The following ALCAM variants were observed in gnomAD, a reference collection of about 807,000 sequenced individuals.
The protein encoded by ALCAM is activated leukocyte cell adhesion molecule.
A neutral mutation model predicts 70.9 loss-of-function variants in ALCAM; 30 were observed. The observed-to-expected ratio is 0.42, with a 90% CI of 0.32 to 0.57. The LOEUF (loss-of-function observed/expected upper bound fraction) is 0.57, where lower values mean the gene tolerates loss of function less well. Among genes scored for constraint, ALCAM ranks in the 20% least tolerant of loss-of-function variants. The pLI is 0.11. For synonymous variants in ALCAM, 249 were observed against 242.5 expected (o/e 1.03, Z -0.25); for missense variants, 591 against 695.1 (o/e 0.85, Z 1.68).
At chr3:105,563,362 A>T (rs995190232) in intron 14 of ALCAM, among the ~76,000 whole-genome samples, 16 of 17,636 alleles carry the variant, frequency 9.1e-4, no homozygotes, top group Non-Finnish European at 2.7e-3. Flanking sequence ...GACCTCAAAT[A>T]ACTTTTTGCT....
rs1939854783 is a variant in ALCAM, at chr3:105,532,114, T to G, written c.459+48T>G. On this transcript the variant is annotated intron_variant, in intron 4 of 15. Coordinates refer to ENST00000306107, the MANE Select transcript of ALCAM (RefSeq NM_001627.4). ...ACCTTTATTTAGCCAGTGTTGTAAG[T>G]GCCTTCTTCTGACCTTACATTCCAA... 3 of 1,465,242 alleles carry G rather than the reference T, an allele frequency of 2.0e-6. No homozygotes were observed. In the South Asian group the frequency reaches 3.5e-5, roughly 17 times the overall value. The allele number at this position is 1,465,242 out of a possible 1,614,324, so 90.8% of individuals were successfully genotyped here.
Position 105,432,090 on chromosome 3 carries a change from C to G in ALCAM, c.73+64609C>G, listed in dbSNP as rs115948107. On this transcript the variant is annotated intron_variant, in intron 1 of 15. Coordinates refer to ENST00000306107, the MANE Select transcript of ALCAM (RefSeq NM_001627.4). ...TGACAGAATTAGACATATGAATACT[C>G]TATTCTTAGAGAATATTCAGTAAAG... 5.5e-3 allele frequency among the ~76,000 whole-genome samples: 836 copies of G among 152,198 alleles called. 7 individuals are homozygous for G. The highest frequency in any genetic ancestry group is 0.019 in the African/African-American group (805 of 41,546).
chr3:105,507,015 G>A (rs551522834), intron 1 of ALCAM, among the ~76,000 whole-genome samples: 20 of 152,284 alleles, frequency 1.3e-4, no homozygotes, highest in African/African-American at 4.8e-4. Context: ...CCCTATACCA[G>A]TGGAATTTAG....
intron 1 of ALCAM, among the ~76,000 whole-genome samples, chr3:105,436,812 C>T (rs1308684595): frequency 2.6e-5 from 4 of 152,106 alleles, no homozygotes; most frequent in Admixed American, 2.0e-4. Context: ...CTTTCCTGAA[C>T]TGCATAAACT....
chr3:105,456,941 A>T (rs1381558620), intron 1 of ALCAM, among the ~76,000 whole-genome samples: 2 of 152,206 alleles, frequency 1.3e-5, no homozygotes, highest in Non-Finnish European at 2.9e-5. Context: ...GTACGTTTTT[A>T]TGTAGCACAT....
chr3:105,453,392 G>C (rs572123817), intron 1 of ALCAM, among the ~76,000 whole-genome samples: 9 of 152,272 alleles, frequency 5.9e-5, no homozygotes, highest in Admixed American at 2.0e-4. Context: ...TAGATGTGTG[G>C]TGTTATTTCT....
At chr3:105,484,939 T>G (rs1256710765) in intron 1 of ALCAM, among the ~76,000 whole-genome samples, 2 of 152,096 alleles carry the variant, frequency 1.3e-5, no homozygotes, top group African/African-American at 4.8e-5. Flanking sequence ...TCTGGAAGAA[T>G]TCTTTTTTTT....
At chr3:105,388,859 A>G (rs1935723918) in intron 1 of ALCAM, among the ~76,000 whole-genome samples, 1 of 151,566 alleles carries the variant, frequency 6.6e-6, no homozygotes, top group Non-Finnish European at 1.5e-5. Context: ...TTTTACAATC[A>G]CGTTTTAGAT....
chr3:105,571,188 A>T (rs1463980440), intron 14 of ALCAM, among the ~76,000 whole-genome samples: 1 of 152,160 alleles, frequency 6.6e-6, no homozygotes, highest in Admixed American at 6.5e-5. Context: ...TCCCATCCCC[A>T]CAGTTTCTGT....
intron 1 of ALCAM, among the ~76,000 whole-genome samples, chr3:105,404,130 G>A (rs1936159072): frequency 6.6e-6 from 1 of 151,966 alleles, no homozygotes; most frequent in Non-Finnish European, 1.5e-5. Flanking sequence ...TGATCCTGAG[G>A]AAGAAGAGAA....
At chr3:105,441,224 T>G (rs1339252926) in intron 1 of ALCAM, among the ~76,000 whole-genome samples, 47 of 152,200 alleles carry the variant, frequency 3.1e-4, no homozygotes, top group Admixed American at 3.1e-3. Flanking sequence ...GGTTTACATT[T>G]TCTTTTTTTT....
At chr3:105,503,865 C>T (rs1172810931) in intron 1 of ALCAM, among the ~76,000 whole-genome samples, 1 of 152,092 alleles carries the variant, frequency 6.6e-6, no homozygotes, top group Non-Finnish European at 1.5e-5. Context: ...CTTCTTTCCA[C>T]TTGAAGAAAT....
At chr3:105,522,756 C>T (rs1301169335) in intron 2 of ALCAM, among the ~76,000 whole-genome samples, 1 of 152,220 alleles carries the variant, frequency 6.6e-6, no homozygotes, top group Non-Finnish European at 1.5e-5. Flanking sequence ...TAACCAAACT[C>T]AACCTCCATG....
intron 12 of ALCAM, among the ~76,000 whole-genome samples, chr3:105,550,494 G>A (rs901544420): frequency 1.3e-5 from 2 of 151,460 alleles, no homozygotes; most frequent in African/African-American, 4.8e-5. Context: ...GCCTTATCCT[G>A]TACAGGAATA....
chr3:105,368,965 G>A (rs985074017), intron 1 of ALCAM, among the ~76,000 whole-genome samples: 6 of 152,162 alleles, frequency 3.9e-5, no homozygotes, highest in African/African-American at 1.4e-4. Context: ...AACAACGCTG[G>A]GGAGGTAGGT....
At chr3:105,540,982 C>T (rs1156872460) in intron 7 of ALCAM, among the ~76,000 whole-genome samples, 1 of 151,990 alleles carries the variant, frequency 6.6e-6, no homozygotes, top group African/African-American at 2.4e-5. Flanking sequence ...TAGGTTTCTG[C>T]TTTGGCTATC....
chr3:105,459,459 A>G (rs1353021073), intron 1 of ALCAM, among the ~76,000 whole-genome samples: 2 of 151,890 alleles, frequency 1.3e-5, no homozygotes, highest in African/African-American at 4.8e-5. Flanking sequence ...CAAATAGTAC[A>G]TGTTCAGTTA....
At chr3:105,486,536 A>G (rs144938545) in intron 1 of ALCAM, among the ~76,000 whole-genome samples, 1 of 152,164 alleles carries the variant, frequency 6.6e-6, no homozygotes. Context: ...TACAGTCCAT[A>G]TTAGAAGGAA....
chr3:105,375,578 G>A (rs1317141600), intron 1 of ALCAM, among the ~76,000 whole-genome samples: 1 of 152,112 alleles, frequency 6.6e-6, no homozygotes, highest in Non-Finnish European at 1.5e-5. Flanking sequence ...AAACTAAATT[G>A]ACCTCAGATG....
Sources: gnomAD v4.1 joint callset for allele counts (sites outside exome capture counted in the v4.1 genomes callset) on GRCh38, gnomAD v4.1.1 for gene constraint, MANE v1.5 for transcripts, NCBI Gene and HGNC (gene_info 2026-07-23, HGNC 2026-07-21) for gene names.